The following ACSL6 variants were observed in gnomAD, a reference collection of about 807,000 sequenced individuals.
ACSL6 encodes acyl-CoA synthetase long chain family member 6.
A neutral mutation model predicts 98.2 loss-of-function variants in ACSL6; 47 were observed. The observed-to-expected ratio is 0.48, with a 90% CI of 0.38 to 0.61. The LOEUF is 0.61. ACSL6 is among the 20% of genes least tolerant of loss of function. The pLI is 0.00. For missense variants in ACSL6, 761 were observed against 913.4 expected, an observed-to-expected ratio of 0.83 and a Z score of 2.15; for synonymous variants, 362 against 336.9, an observed-to-expected ratio of 1.07 and a Z score of -0.82.
intron 14 of ACSL6, among the ~76,000 whole-genome samples, chr5:131,970,839 TTATTTTGGCTCCA>T (rs2149714874): frequency 6.6e-6 from 1 of 152,338 alleles, no homozygotes; most frequent in East Asian, 1.9e-4. Context: ...ACTCTGTGTT[TTATTTTGGCTCCA>T]TAAGCTATTC....
intron 20 of ACSL6, among the ~76,000 whole-genome samples, chr5:131,955,458 T>C (rs1466768717): frequency 6.6e-6 from 1 of 152,192 alleles, no homozygotes; most frequent in African/African-American, 2.4e-5. Context: ...CCAATATTTA[T>C]TGGAAACAGG....
chr5:131,986,491 G>A (rs1754183778), intron 8 of ACSL6, among the ~76,000 whole-genome samples: 2 of 152,250 alleles, frequency 1.3e-5, no homozygotes, highest in Admixed American at 1.3e-4. Context: ...TTCTGGTTCT[G>A]CTGTTGCTTC....
intron 1 of ACSL6, among the ~76,000 whole-genome samples, chr5:132,004,148 C>G (rs562779216): frequency 6.6e-6 from 1 of 151,440 alleles, no homozygotes; most frequent in South Asian, 2.1e-4. Flanking sequence ...GCCCCATGTG[C>G]GGGATCACTA....
rs1755725260 is a variant in ACSL6, at chr5:132,011,472, G to C, written c.49+33C>G. ...AAGACCTCATAGCCTGCGGGAGATGGGAGTCCGGGACGCGGACAGGACGGG... is the reference window on the plus strand; with the variant it reads ...AAGACCTCATAGCCTGCGGGAGATGCGAGTCCGGGACGCGGACAGGACGGG... On this transcript the variant is annotated intron_variant, in intron 1 of 20. Coordinates refer to ENST00000651883, the MANE Select transcript of ACSL6 (RefSeq NM_001009185.3). This position sits in a 1 kb window ranked among gnomAD's most constrained non-coding sequence, Gnocchi z 5.4. The C allele has an allele frequency of 1.2e-6, 2 of 1,601,124 alleles. No individual in the cohort carries two copies. The highest frequency in any genetic ancestry group is 1.3e-5 in the African/African-American group (1 of 74,590).
chr5:132,011,802 G>A (rs1191332291), upstream of ACSL6: 4 of 1,415,128 alleles, frequency 2.8e-6, no homozygotes, highest in East Asian at 1.2e-4. The surrounding 1 kb of genome is among the most constrained non-coding windows in gnomAD (Gnocchi z 5.4). Flanking sequence ...GCCGGGTCTG[G>A]GGCTTGCCCC....
intron 9 of ACSL6, 102 bp downstream of exon 9, chr5:131,985,305 G>T: frequency 1.4e-6 from 2 of 1,440,154 alleles, no homozygotes; most frequent in Non-Finnish European, 1.9e-6. Flanking sequence ...ACAAGGCTCA[G>T]CCCATTTCAA....
chr5:132,005,792 A>G (rs1755373351), intron 1 of ACSL6, among the ~76,000 whole-genome samples: 1 of 152,178 alleles, frequency 6.6e-6, no homozygotes, highest in Non-Finnish European at 1.5e-5. Flanking sequence ...CTTGGAATCC[A>G]CATCCTGCAC....
chr5:131,954,427 T>C, intron 20 of ACSL6, 56 bp from the exon 21 acceptor site: 3 of 1,531,614 alleles, frequency 2.0e-6, no homozygotes, highest in Non-Finnish European at 2.6e-6. Flanking sequence ...GTATTTATAG[T>C]ATACATGGTA....
chr5:131,968,230 G>A (rs1753123391), intron 15 of ACSL6: 2 of 533,880 alleles, frequency 3.7e-6, no homozygotes, highest in Admixed American at 3.3e-5. Flanking sequence ...ATCTCTGCCT[G>A]GGCATTTGTT....
At chr5:131,975,367 C>T (rs1753563754) in intron 10 of ACSL6, 1 of 985,300 alleles carries the variant, frequency 1.0e-6, no homozygotes, top group Non-Finnish European at 1.2e-6. Flanking sequence ...TAGCCCGGCT[C>T]TCTCCCCTTC....
chr5:131,995,283 C>T (rs1031322176), intron 1 of ACSL6, among the ~76,000 whole-genome samples: 3 of 152,166 alleles, frequency 2.0e-5, no homozygotes, highest in Non-Finnish European at 2.9e-5. Context: ...TAAGTGAGGC[C>T]GTGTTGGCAC....
chr5:131,955,328 T>G (rs572010766), intron 20 of ACSL6, among the ~76,000 whole-genome samples: 1 of 152,348 alleles, frequency 6.6e-6, no homozygotes, highest in South Asian at 2.1e-4. Context: ...ACTCTTTCAG[T>G]ATGCTTGACA....
chr5:132,010,062 C>T (rs540104998), intron 1 of ACSL6, among the ~76,000 whole-genome samples: 4 of 152,284 alleles, frequency 2.6e-5, no homozygotes, highest in African/African-American at 9.6e-5. Context: ...TTATCCTTGC[C>T]CTTTACCTCC....
intron 20 of ACSL6, among the ~76,000 whole-genome samples, chr5:131,958,673 GT>G (rs200675674): frequency 0.011 from 1,748 of 152,008 alleles, 24 homozygotes; most frequent in African/African-American, 0.039. Flanking sequence ...CCATGAAAAT[GT>G]TTTTTTAATT....
chr5:131,975,227 G>A (rs1419344007), intron 10 of ACSL6: 16 of 1,350,810 alleles, frequency 1.2e-5, no homozygotes, highest in Admixed American at 9.6e-5. Flanking sequence ...GTGTTAGGTC[G>A]CAGCGTCAGT....
chr5:131,988,327 T>G, intron 6 of ACSL6, 101 bp from the exon 7 acceptor site: 1 of 1,399,810 alleles, frequency 7.1e-7, no homozygotes, highest in Non-Finnish European at 9.9e-7. Context: ...TTCCATGGTC[T>G]GTGTGCCCAT....
intron 7 of ACSL6, among the ~76,000 whole-genome samples, chr5:131,987,264 C>T (rs1165271357): frequency 1.3e-5 from 2 of 152,150 alleles, no homozygotes; most frequent in African/African-American, 2.4e-5. Context: ...GATGGCAATC[C>T]GAGTGTGAGC....
intron 2 of ACSL6, chr5:131,993,752 A>G (rs754813750): frequency 3.9e-5 from 17 of 436,168 alleles, no homozygotes; most frequent in Admixed American, 1.8e-4. Context: ...TGCAATACCA[A>G]TGAGCCAAGG....
intron 2 of ACSL6, among the ~76,000 whole-genome samples, chr5:131,991,783 C>A (rs1720359081): frequency 6.6e-6 from 1 of 151,216 alleles, no homozygotes; most frequent in Non-Finnish European, 1.5e-5. Context: ...CTGGGCTGGG[C>A]CAGAGCCTGC....
Sources: gnomAD v4.1 joint callset for allele counts (sites outside exome capture counted in the v4.1 genomes callset) on GRCh38, gnomAD v4.1.1 for gene constraint, Gnocchi (gnomAD v3.1) non-coding constraint, MANE v1.5 for transcripts, NCBI Gene and HGNC (gene_info 2026-07-23, HGNC 2026-07-21) for gene names.